Variants in CSMD1 observed in about 807,000 individuals in gnomAD.
The protein encoded by CSMD1 is CUB and Sushi multiple domains 1.
CSMD1 carries 213 observed loss-of-function variants against 417.5 expected under a neutral mutation model. The ratio of observed to expected loss-of-function variants is 0.51; its 90% CI spans 0.46 to 0.57. The LOEUF (loss-of-function observed/expected upper bound fraction) is 0.57, where lower values mean the gene tolerates loss of function less well. Ranked by LOEUF, CSMD1 falls within the 20% of genes least tolerant of loss-of-function variation. CSMD1 has a pLI of 0.00. For missense variants in CSMD1, 6,923 were observed against 4,529.7 expected, an observed-to-expected ratio of 1.53 and a Z score of -15.17; for synonymous variants, 2,862 against 1,736.8, an observed-to-expected ratio of 1.65 and a Z score of -16.11.
chr8:3,349,345 C>A (rs894124701), intron 21 of CSMD1, among the ~76,000 whole-genome samples: 1 of 152,166 alleles, frequency 6.6e-6, no homozygotes, highest in Non-Finnish European at 1.5e-5. Flanking sequence ...ATATCCTAAT[C>A]CACTTGCCAG....
At chr8:3,433,310 C>G (rs1014274933) in intron 12 of CSMD1, among the ~76,000 whole-genome samples, 1 of 152,126 alleles carries the variant, frequency 6.6e-6, no homozygotes, top group African/African-American at 2.4e-5. Context: ...TTTTGATTTC[C>G]TTGACAGGGA....
At chr8:4,840,919 G>C (rs1387348550) in intron 1 of CSMD1, among the ~76,000 whole-genome samples, 1 of 152,208 alleles carries the variant, frequency 6.6e-6, no homozygotes, top group African/African-American at 2.4e-5. Context: ...CTACTGTAAA[G>C]TGAATACAAA....
intron 3 of CSMD1, among the ~76,000 whole-genome samples, chr8:4,075,290 T>C (rs753766007): frequency 4.6e-5 from 7 of 152,272 alleles, no homozygotes; most frequent in Middle Eastern, 3.4e-3. Flanking sequence ...ATTGTTGATA[T>C]ATGTTTATGT....
chr8:4,254,026 C>T (rs552013100), intron 3 of CSMD1, among the ~76,000 whole-genome samples: 2 of 151,216 alleles, frequency 1.3e-5, no homozygotes, highest in South Asian at 2.1e-4. Context: ...ATGCCATTCT[C>T]CCGCCTCAGC....
rs1363230740 is a variant in CSMD1 at position 3,424,851 on chromosome 8, T to G, written c.1562-15246A>C. ...ATCATTCTATTTTTTTAAATATTAT[T>G]TTATTTGAGACAGGGTCTTACTCTG... On this transcript the variant is annotated intron_variant, in intron 12 of 69. Coordinates refer to ENST00000635120, the MANE Select transcript of CSMD1 (RefSeq NM_033225.6). Among the ~76,000 whole-genome samples, 5 of 152,266 alleles carry G rather than the reference T, an allele frequency of 3.3e-5. No individual in the cohort carries two copies. The East Asian group carries it at 9.7e-4, about 29-fold the overall frequency.
chr8:4,192,665 A>C (rs185314490), intron 3 of CSMD1, among the ~76,000 whole-genome samples: 1 of 152,288 alleles, frequency 6.6e-6, no homozygotes, highest in East Asian at 1.9e-4. Flanking sequence ...GAAAAACCTT[A>C]AATCTGCACT....
At position 4,871,411 on chromosome 8, in the gene CSMD1, C is replaced by T. The variant is rs941855243; in HGVS notation, c.85+122921G>A. 6.6e-5 allele frequency among the ~76,000 whole-genome samples: 10 copies of T among 152,080 alleles called. 1 individual carries two copies. The highest frequency in any genetic ancestry group is 2.4e-4 in the African/African-American group (10 of 41,364). The stretch of plus-strand genomic sequence containing the variant: ...TTTCAACCTGAATACATTTATCTAA[C>T]ACCATGAGTTCCAGTACAGTGGCAA... On this transcript the variant is annotated intron_variant, in intron 1 of 69. Coordinates refer to ENST00000635120, the MANE Select transcript of CSMD1 (RefSeq NM_033225.6).
intron 4 of CSMD1, among the ~76,000 whole-genome samples, chr8:4,001,351 C>A (rs1367096454): frequency 6.6e-6 from 1 of 152,166 alleles, no homozygotes; most frequent in Non-Finnish European, 1.5e-5. Flanking sequence ...CCCCACCCTG[C>A]AGCCATTAGC....
At chr8:3,657,190 G>A (rs986040894) in intron 7 of CSMD1, among the ~76,000 whole-genome samples, 2 of 152,140 alleles carry the variant, frequency 1.3e-5, no homozygotes, top group African/African-American at 4.8e-5. Context: ...AGATGCTGCA[G>A]GATCTATGTT....
At chr8:3,581,813 T>C (rs1211740983) in intron 9 of CSMD1, among the ~76,000 whole-genome samples, 6 of 152,136 alleles carry the variant, frequency 3.9e-5, no homozygotes, top group Non-Finnish European at 8.8e-5. Flanking sequence ...TTTTTCCTTT[T>C]TAGTTTTTGA....
At position 4,871,061 on chromosome 8, in the gene CSMD1, G is replaced by A. The variant is rs117666273; in HGVS notation, c.85+123271C>T. Among the ~76,000 whole-genome samples, 323 of 152,292 alleles carry A rather than the reference G, an allele frequency of 2.1e-3. 3 individuals carry two copies. Among genetic ancestry groups the A allele is most frequent in the Admixed American group, 4.9e-3 (75 of 15,304 alleles). On this transcript the variant is annotated intron_variant, in intron 1 of 69. Coordinates refer to ENST00000635120, the MANE Select transcript of CSMD1 (RefSeq NM_033225.6). ...GGGAGAGTCAGCAGTGCTGGGAGGT[G>A]AGGCAGTTGCAACAGCTCTGGCCTG...
intron 1 of CSMD1, among the ~76,000 whole-genome samples, chr8:4,824,369 G>C (rs372018014): frequency 6.6e-6 from 1 of 152,090 alleles, no homozygotes; most frequent in Admixed American, 6.6e-5. Flanking sequence ...GATATGCAGA[G>C]TTTTAATTTA....
intron 2 of CSMD1, among the ~76,000 whole-genome samples, chr8:4,615,308 T>C (rs1022188243): frequency 1.3e-5 from 2 of 152,172 alleles, no homozygotes; most frequent in Admixed American, 1.3e-4. Context: ...GTTTACGCAG[T>C]ATCTTCCCCC....
chr8:3,405,517 C>T (rs1164591005), intron 15 of CSMD1, among the ~76,000 whole-genome samples: 2 of 152,190 alleles, frequency 1.3e-5, no homozygotes, highest in Non-Finnish European at 2.9e-5. Context: ...AAAAATCATA[C>T]ATTGAGGTCC....
chr8:4,379,046 GA>G (rs1162468214), intron 3 of CSMD1, among the ~76,000 whole-genome samples: 1 of 151,606 alleles, frequency 6.6e-6, no homozygotes, highest in African/African-American at 2.4e-5. Flanking sequence ...AACTGCAGAG[GA>G]AAAAAAAGGA....
chr8:3,800,410 C>T (rs989819100), intron 5 of CSMD1, among the ~76,000 whole-genome samples: 2 of 152,086 alleles, frequency 1.3e-5, no homozygotes, highest in Admixed American at 6.6e-5. Context: ...ATTATTGACA[C>T]CTGTGAAGTG....
rs528698332 is a variant in CSMD1, at chr8:3,869,568, G to C, written c.819-115526C>G. Among the ~76,000 whole-genome samples, 6 of 152,272 alleles carry C rather than the reference G, an allele frequency of 3.9e-5. No homozygotes were observed. In the East Asian group the frequency reaches 5.8e-4, roughly 15 times the overall value. ...GAGTGCCTGACTTGGTTCACAGGTA[G>C]ATATAAACCTATCTATCAGATATAA... is the stretch of plus-strand genomic sequence containing the variant. On this transcript the variant is annotated intron_variant, in intron 5 of 69. Coordinates refer to ENST00000635120, the MANE Select transcript of CSMD1 (RefSeq NM_033225.6).
At chr8:3,604,333 G>A (rs756875828) in intron 8 of CSMD1, among the ~76,000 whole-genome samples, 1 of 152,150 alleles carries the variant, frequency 6.6e-6, no homozygotes, top group Admixed American at 6.5e-5. Context: ...CAGATTGTGT[G>A]GCCAGGAAGT....
intron 5 of CSMD1, among the ~76,000 whole-genome samples, chr8:3,889,514 G>GAC (rs1375375923): frequency 7.5e-5 from 7 of 93,284 alleles, no homozygotes; most frequent in African/African-American, 2.7e-4. Context: ...ATTAGGTCAT[G>GAC]ATATATACAT....
Sources: allele counts gnomAD v4.1 joint callset (sites outside exome capture counted in the v4.1 genomes callset), GRCh38; gene constraint gnomAD v4.1.1; transcripts MANE v1.5; gene names NCBI Gene and HGNC (gene_info 2026-07-23, HGNC 2026-07-21).